Variants in PLA2G10 observed in about 807,000 individuals in gnomAD.
PLA2G10 encodes phospholipase A2 group X.
PLA2G10 carries 9 observed loss-of-function variants against 7.9 expected under a neutral mutation model. The observed-to-expected ratio is 1.14, with a 90% CI of 0.68 to 1.98. The LOEUF (loss-of-function observed/expected upper bound fraction) is 1.98. PLA2G10 is among the 30% of genes most tolerant of loss of function. The pLI is 0.00. For missense variants in PLA2G10, 53 were observed against 65.4 expected, an observed-to-expected ratio of 0.81 and a Z score of 0.66; for synonymous variants, 19 against 27.5, an observed-to-expected ratio of 0.69 and a Z score of 0.97.
At position 14,678,518 on chromosome 16, in the gene PLA2G10, CA is replaced by C. The variant is rs1297696644; in HGVS notation, c.356-5770del. ...GTGTGGTGGCTCACGCCTGTAATCC[CA>C]ACATTTTGGGAGGCCGAGGTAGGTG... On this transcript the variant is annotated intron_variant, in intron 3 of 3. Coordinates refer to ENST00000438167, the MANE Select transcript of PLA2G10 (RefSeq NM_003561.3). The C allele has an allele frequency of 2.9e-5, 7 of 243,856 alleles. No individual in the cohort carries two copies. In the East Asian group the frequency reaches 1.1e-3, roughly 37 times the overall value. The allele number at this position is 243,856 out of a possible 1,614,324, so 15.1% of individuals were successfully genotyped here.
At chr16:14,674,970 G>C (rs1349543299) in intron 3 of PLA2G10, among the ~76,000 whole-genome samples, 1 of 152,140 alleles carries the variant, frequency 6.6e-6, no homozygotes, top group Non-Finnish European at 1.5e-5. Context: ...TTCAGTGTTT[G>C]AGACCAGCCT....
At chr16:14,681,739 T>C (rs928731697) in intron 3 of PLA2G10, among the ~76,000 whole-genome samples, 1 of 151,792 alleles carries the variant, frequency 6.6e-6, no homozygotes, top group Non-Finnish European at 1.5e-5. Context: ...AAATGCATAA[T>C]AGATATTTTA....
At position 14,672,702 on chromosome 16, in the gene PLA2G10, C is replaced by G; in HGVS notation, c.403G>C (p.Glu135Gln). The change falls in exon 4 of 4, where the codon GAG (glutamate) becomes CAG (glutamine). Residue 135 changes from glutamate (E) to glutamine (Q), a missense_variant. This residue lies in a region of PLA2G10 where 48 missense variants were observed against 47.0 expected (regional missense o/e 1.02). Coordinates refer to ENST00000438167, the MANE Select transcript of PLA2G10 (RefSeq NM_003561.3). Reference sequence around the variant, plus strand: ...GTTTGGGCTAAGCAGTTAGCAATCTCCTGGTCACACTTGCACAACAGTTCT... The same window carrying G: ...GTTTGGGCTAAGCAGTTAGCAATCTGCTGGTCACACTTGCACAACAGTTCT... ...CQELLCKCDQEIANCLAQTEY... is the reference protein window; with the variant it reads ...CQELLCKCDQQIANCLAQTEY... The G allele has an allele frequency of 6.2e-7, 1 of 1,614,106 alleles. No homozygotes were observed. The highest frequency in any genetic ancestry group is 2.2e-5 in the East Asian group (1 of 44,882).
chr16:14,676,476 C>G (rs1032044993), intron 3 of PLA2G10, among the ~76,000 whole-genome samples: 4 of 152,108 alleles, frequency 2.6e-5, no homozygotes, highest in Non-Finnish European at 5.9e-5. Flanking sequence ...GTCAGGAGTT[C>G]AAGACCAGCC....
intron 3 of PLA2G10, among the ~76,000 whole-genome samples, chr16:14,676,037 G>A (rs1032921740): frequency 1.4e-4 from 22 of 151,754 alleles, no homozygotes; most frequent in Non-Finnish European, 2.4e-4. Context: ...ACTCGTCATC[G>A]GGGAACTGCA....
intron 3 of PLA2G10, among the ~76,000 whole-genome samples, chr16:14,683,518 G>A (rs1960954516): frequency 6.6e-6 from 1 of 152,170 alleles, no homozygotes; most frequent in Non-Finnish European, 1.5e-5. Context: ...TTACAGGTGT[G>A]AGCCACCACT....
chr16:14,681,446 A>G (rs924867405), intron 3 of PLA2G10, among the ~76,000 whole-genome samples: 2 of 151,944 alleles, frequency 1.3e-5, no homozygotes, highest in African/African-American at 4.8e-5. Flanking sequence ...TTTCTCCTTG[A>G]GCAACAAAGA....
At chr16:14,682,309 G>A (rs536394217) in intron 3 of PLA2G10, among the ~76,000 whole-genome samples, 21 of 152,292 alleles carry the variant, frequency 1.4e-4, no homozygotes, top group Non-Finnish European at 1.9e-4. Flanking sequence ...TAGGCCGGGC[G>A]CGGTGGCTCG....
intron 3 of PLA2G10, among the ~76,000 whole-genome samples, chr16:14,686,382 C>T (rs143972239): frequency 1.1e-3 from 169 of 152,318 alleles, no homozygotes; most frequent in African/African-American, 3.9e-3. Context: ...GCTGCCGAAA[C>T]TCAAGCCTTA....
intron 3 of PLA2G10, among the ~76,000 whole-genome samples, chr16:14,676,456 G>C (rs183863938): frequency 6.6e-6 from 1 of 152,086 alleles, no homozygotes; most frequent in Non-Finnish European, 1.5e-5. Flanking sequence ...CGAGGTGGGC[G>C]GATCACGAGG....
At chr16:14,686,697 A>G (rs1961076811) in intron 3 of PLA2G10, among the ~76,000 whole-genome samples, 2 of 151,962 alleles carry the variant, frequency 1.3e-5, no homozygotes, top group African/African-American at 4.8e-5. Flanking sequence ...ACAGGGTTTC[A>G]CCATTGAGGC....
At chr16:14,687,497 T>TG (rs1446549248) in intron 3 of PLA2G10, among the ~76,000 whole-genome samples, 1 of 151,960 alleles carries the variant, frequency 6.6e-6, no homozygotes, top group Non-Finnish European at 1.5e-5. Context: ...GCCTGGCCAA[T>TG]GTTAAAAAAA....
At chr16:14,681,034 T>C (rs1015183409) in intron 3 of PLA2G10, among the ~76,000 whole-genome samples, 2 of 151,772 alleles carry the variant, frequency 1.3e-5, no homozygotes, top group Non-Finnish European at 2.9e-5. Context: ...GGTATGGTGG[T>C]GCGCCTGTAG....
intron 3 of PLA2G10, among the ~76,000 whole-genome samples, chr16:14,684,526 C>A (rs942416807): frequency 6.6e-6 from 1 of 151,736 alleles, no homozygotes; most frequent in African/African-American, 2.4e-5. Flanking sequence ...ATTAGCTGGG[C>A]GTGGTGGCGG....
intron 3 of PLA2G10, among the ~76,000 whole-genome samples, chr16:14,683,132 T>C (rs1960938869): frequency 6.6e-6 from 1 of 152,108 alleles, no homozygotes; most frequent in Admixed American, 6.6e-5. Flanking sequence ...ACACCTATCT[T>C]ACAGGTAAGG....
At chr16:14,686,564 G>A (rs778131162) in intron 3 of PLA2G10, among the ~76,000 whole-genome samples, 2 of 152,088 alleles carry the variant, frequency 1.3e-5, no homozygotes, top group South Asian at 2.1e-4. Context: ...GCTGGAGTAC[G>A]ATCTCGGCTC....
At chr16:14,682,460 A>G (rs923580309) in intron 3 of PLA2G10, among the ~76,000 whole-genome samples, 4 of 152,118 alleles carry the variant, frequency 2.6e-5, no homozygotes, top group Non-Finnish European at 5.9e-5. Context: ...CTCTAGTCCC[A>G]GCTACTCAGA....
chr16:14,680,379 C>T (rs1162641430), intron 3 of PLA2G10, among the ~76,000 whole-genome samples: 2 of 151,862 alleles, frequency 1.3e-5, no homozygotes, highest in Admixed American at 6.6e-5. Context: ...GGATTACAGG[C>T]GTGAGACACT....
intron 3 of PLA2G10, among the ~76,000 whole-genome samples, chr16:14,677,391 G>A (rs1012298354): frequency 2.0e-4 from 31 of 151,770 alleles, no homozygotes; most frequent in Admixed American, 1.6e-3. Context: ...TTTTTGAGAC[G>A]GAGTTTCACT....
Sources: gnomAD v4.1 joint callset for allele counts (sites outside exome capture counted in the v4.1 genomes callset) on GRCh38, gnomAD v4.1.1 for gene constraint, gnomAD v4.1.1 regional missense constraint, MANE v1.5 for transcripts, NCBI Gene and HGNC (gene_info 2026-07-23, HGNC 2026-07-21) for gene names.